Variants in TPST1 observed in about 807,000 individuals in gnomAD.
TPST1 encodes protein-tyrosine sulfotransferase 1.
A neutral mutation model predicts 34.8 loss-of-function variants in TPST1; 20 were observed. The ratio of observed to expected loss-of-function variants is 0.57; its 90% CI spans 0.40 to 0.84. The LOEUF (loss-of-function observed/expected upper bound fraction) is 0.84, where lower values mean the gene tolerates loss of function less well. Among genes scored for constraint, TPST1 ranks in the 40% least tolerant of loss-of-function variants. The pLI is 0.00. For synonymous variants in TPST1, 152 were observed against 159.4 expected (o/e 0.95, Z 0.35); for missense variants, 353 against 455.5 (o/e 0.78, Z 2.05).
At chr7:66,248,994 T>G (rs1388706721) in intron 2 of TPST1, among the ~76,000 whole-genome samples, 1 of 152,082 alleles carries the variant, frequency 6.6e-6, no homozygotes, top group Non-Finnish European at 1.5e-5. Context: ...TGCTGTCTGG[T>G]TCATAGATGG....
At chr7:66,225,846 A>G (rs1789643767) in intron 1 of TPST1, among the ~76,000 whole-genome samples, 1 of 152,180 alleles carries the variant, frequency 6.6e-6, no homozygotes, top group Non-Finnish European at 1.5e-5. Context: ...TTATCTAGAA[A>G]AAGGTACTTC....
chr7:66,304,836 T>A (rs1045090511), intron 3 of TPST1, among the ~76,000 whole-genome samples: 36 of 149,390 alleles, frequency 2.4e-4, no homozygotes, highest in African/African-American at 8.8e-4. Flanking sequence ...TTTTTTTTTC[T>A]TGGCAAGGTC....
At chr7:66,355,456 G>C (rs1283700553) in intron 4 of TPST1, among the ~76,000 whole-genome samples, 2 of 150,192 alleles carry the variant, frequency 1.3e-5, no homozygotes, top group East Asian at 2.0e-4. Context: ...GCCTGGGAAA[G>C]ATTGCGAGAC....
At chr7:66,259,899 C>T (rs990062233) in intron 2 of TPST1, among the ~76,000 whole-genome samples, 3 of 152,136 alleles carry the variant, frequency 2.0e-5, no homozygotes, top group Admixed American at 6.5e-5. Flanking sequence ...AAAAATCCTC[C>T]GTGTTCCCCC....
At chr7:66,292,809 AC>A (rs1430493493) in intron 3 of TPST1, among the ~76,000 whole-genome samples, 2 of 149,922 alleles carry the variant, frequency 1.3e-5, no homozygotes, top group African/African-American at 4.9e-5. Context: ...TGCAGAAATC[AC>A]CCGTCTTCTG....
intron 2 of TPST1, among the ~76,000 whole-genome samples, chr7:66,285,126 C>T (rs915195079): frequency 6.6e-6 from 1 of 152,172 alleles, no homozygotes; most frequent in Non-Finnish European, 1.5e-5. Context: ...CAATACTTAA[C>T]ACAGATGTGT....
rs1204529091 is a variant in TPST1, at chr7:66,360,274, T to G, written c.*409T>G. The G allele has an allele frequency of 4.7e-6, 1 of 212,382 alleles. No homozygotes were observed. The highest frequency in any genetic ancestry group is 9.7e-6 in the Non-Finnish European group (1 of 102,696). The allele number at this position is 212,382 out of a possible 1,614,324, so 13.2% of individuals were successfully genotyped here. A position where few individuals can be genotyped will look rare whatever the true frequency, so the allele number is the denominator to read the frequency against. On this transcript the variant is annotated 3_prime_UTR_variant, in exon 6 of 6. Coordinates refer to ENST00000304842, the MANE Select transcript of TPST1 (RefSeq NM_003596.4). ...GGTTGTCTGTACATGTTCTAATGTT[T>G]TGTAGAACACGTGTGCCTGTTTAAG...
intron 1 of TPST1, among the ~76,000 whole-genome samples, chr7:66,224,247 T>C (rs1025149811): frequency 3.9e-5 from 6 of 152,246 alleles, no homozygotes; most frequent in African/African-American, 1.4e-4. Flanking sequence ...AAAATCAGTC[T>C]CTGTGCATTT....
chr7:66,356,914 C>T (rs1193211029), intron 5 of TPST1, 43 bp downstream of exon 5: 48 of 1,606,656 alleles, frequency 3.0e-5, no homozygotes, highest in African/African-American at 1.6e-4. Flanking sequence ...GTTTCCCACT[C>T]GGGCTCTTGC....
chr7:66,206,470 T>C (rs1370903842), intron 1 of TPST1, among the ~76,000 whole-genome samples: 1 of 152,180 alleles, frequency 6.6e-6, no homozygotes, highest in African/African-American at 2.4e-5. Context: ...GCCTGAAGAA[T>C]GGTATGGGAG....
At chr7:66,235,309 A>G (rs1789889790) in intron 1 of TPST1, among the ~76,000 whole-genome samples, 1 of 151,554 alleles carries the variant, frequency 6.6e-6, no homozygotes, top group African/African-American at 2.4e-5. Context: ...TCCTGCATAG[A>G]CATTTTAATG....
intron 1 of TPST1, among the ~76,000 whole-genome samples, chr7:66,225,618 T>G (rs2116314617): frequency 6.6e-6 from 1 of 152,130 alleles, no homozygotes; most frequent in East Asian, 2.0e-4. Context: ...AATAAATAAA[T>G]AAATAAAAAG....
At chr7:66,281,601 T>C (rs1333491744) in intron 2 of TPST1, among the ~76,000 whole-genome samples, 1 of 152,236 alleles carries the variant, frequency 6.6e-6, no homozygotes, top group East Asian at 1.9e-4. Context: ...ACCTGAGCAT[T>C]TTCTAATAGT....
At chr7:66,270,761 C>T (rs1790688755) in intron 2 of TPST1, among the ~76,000 whole-genome samples, 2 of 152,158 alleles carry the variant, frequency 1.3e-5, no homozygotes, top group South Asian at 2.1e-4. Flanking sequence ...GTAAATTGAT[C>T]GCTGAGCCCA....
Position 66,320,338 on chromosome 7 carries a change from C to T in TPST1, c.1045-32167C>T, listed in dbSNP as rs1162038451. On this transcript the variant is annotated intron_variant, in intron 3 of 5. Coordinates refer to ENST00000304842, the MANE Select transcript of TPST1 (RefSeq NM_003596.4). The stretch of plus-strand genomic sequence containing the variant: ...TCTCGGCTCACTGCAAGCTCCACCT[C>T]CCGGGTTCACTCCATTCTCCTGCCT... 4.7e-5 allele frequency among the ~76,000 whole-genome samples: 7 copies of T among 149,970 alleles called. No individual in the cohort carries two copies. In the East Asian group the frequency reaches 1.4e-3, roughly 29 times the overall value.
At chr7:66,296,127 T>G (rs1791186501) in intron 3 of TPST1, among the ~76,000 whole-genome samples, 1 of 152,056 alleles carries the variant, frequency 6.6e-6, no homozygotes, top group South Asian at 2.1e-4. Context: ...CTTTCTTGAG[T>G]GGTGGGTTGG....
At chr7:66,226,130 G>A (rs944989957) in intron 1 of TPST1, among the ~76,000 whole-genome samples, 2 of 151,860 alleles carry the variant, frequency 1.3e-5, no homozygotes, top group Non-Finnish European at 2.9e-5. Flanking sequence ...CTCGTGATCC[G>A]CCCGCCTCAG....
At chr7:66,262,096 C>T (rs1332704543) in intron 2 of TPST1, among the ~76,000 whole-genome samples, 2 of 152,166 alleles carry the variant, frequency 1.3e-5, no homozygotes, top group Non-Finnish European at 2.9e-5. Flanking sequence ...TCCACCTGGT[C>T]AATGTGTCCT....
At chr7:66,308,398 G>A (rs553425410) in intron 3 of TPST1, among the ~76,000 whole-genome samples, 152 of 152,300 alleles carry the variant, frequency 1.0e-3, no homozygotes, top group Middle Eastern at 3.4e-3. Context: ...TAGGAATGCA[G>A]TATTACTTTT....
Sources: gnomAD v4.1 joint callset for allele counts (sites outside exome capture counted in the v4.1 genomes callset) on GRCh38, gnomAD v4.1.1 for gene constraint, MANE v1.5 for transcripts, NCBI Gene and HGNC (gene_info 2026-07-23, HGNC 2026-07-21) for gene names.